The following ABCA13 variants were observed in gnomAD, a reference collection of about 807,000 sequenced individuals.
The protein encoded by ABCA13 is ATP binding cassette subfamily A member 13.
In ABCA13, 476 loss-of-function variants were observed where a neutral mutation model predicts 478.7. That is an observed-to-expected ratio of 0.99 (90% confidence interval 0.92 to 1.07). ABCA13 has a LOEUF of 1.07. ABCA13 is among the 50% of genes least tolerant of loss of function. The pLI, the probability that ABCA13 is intolerant of heterozygous loss-of-function variation, is 0.00. For synonymous variants in ABCA13, 2,252 were observed against 2,158.9 expected, an observed-to-expected ratio of 1.04 and a Z score of -1.20; for missense variants, 6,060 against 5,910.6, an observed-to-expected ratio of 1.03 and a Z score of -0.83.
chr7:48,627,414 G>A (rs968671174), intron 59 of ABCA13, among the ~76,000 whole-genome samples: 4 of 151,962 alleles, frequency 2.6e-5, no homozygotes, highest in African/African-American at 7.3e-5. Flanking sequence ...TGTATTTACC[G>A]AGAAAACAGA....
At chr7:48,232,139 A>ATTTTTTGTTTTTTTTTTTTTT (rs1789203432) in intron 7 of ABCA13, among the ~76,000 whole-genome samples, 1 of 51,318 alleles carries the variant, frequency 1.9e-5, no homozygotes, top group Non-Finnish European at 3.6e-5. Context: ...CCCACATGGA[A>ATTTTTTGTTTTTTTTTTTTTT]TTTTTTTTTT....
chr7:48,384,691 C>T (rs1376662188), intron 35 of ABCA13, among the ~76,000 whole-genome samples: 2 of 152,152 alleles, frequency 1.3e-5, no homozygotes, highest in African/African-American at 2.4e-5. Flanking sequence ...GGACACCTGC[C>T]TGCATTAATT....
rs901469063 is a variant in ABCA13 at position 48,236,033 on chromosome 7, A to G, written c.897+1882A>G. ...ACTAAATGTATTCTTGGCTTATGATATTTTCAAGTCATGATGGGTTGATGA... is the reference window on the plus strand; with the variant it reads ...ACTAAATGTATTCTTGGCTTATGATGTTTTCAAGTCATGATGGGTTGATGA... On this transcript the variant is annotated intron_variant, in intron 8 of 61. Transcript: ENST00000435803. Among the ~76,000 whole-genome samples, 4 of 152,246 alleles carry G rather than the reference A, an allele frequency of 2.6e-5. 1 individual carries two copies. The highest frequency in any genetic ancestry group is 2.6e-4 in the Admixed American group (4 of 15,290).
intron 59 of ABCA13, among the ~76,000 whole-genome samples, chr7:48,616,667 T>C (rs1024020745): frequency 3.3e-5 from 5 of 152,168 alleles, no homozygotes; most frequent in Admixed American, 2.6e-4. Context: ...TGTAGGACTA[T>C]ATTAAACAAG....
At chr7:48,640,817 A>G (rs1795052632) in intron 59 of ABCA13, among the ~76,000 whole-genome samples, 2 of 152,136 alleles carry the variant, frequency 1.3e-5, no homozygotes, top group South Asian at 2.1e-4. Context: ...TAAATTGTTG[A>G]AGGTGCCATG....
chr7:48,342,696 C>T (rs941002893), intron 29 of ABCA13, among the ~76,000 whole-genome samples: 2 of 152,156 alleles, frequency 1.3e-5, no homozygotes, highest in Non-Finnish European at 2.9e-5. Context: ...TCCTCTGCAA[C>T]TCTTCTAAAC....
Position 48,481,034 on chromosome 7 carries a change from A to T in ABCA13, c.12976-2A>T, listed in dbSNP as rs1828700889. 7.0e-6 allele frequency: 11 copies of T among 1,574,890 alleles called. No individual in the cohort carries two copies. The highest frequency in any genetic ancestry group is 8.6e-6 in the Non-Finnish European group (10 of 1,157,342). Reference sequence around the variant, plus strand: ...TTTTTATCTTTTTGAAAACAATTTCAGAAGTGTCCAAATAGAAGTGCTAGT... The same window carrying T: ...TTTTTATCTTTTTGAAAACAATTTCTGAAGTGTCCAAATAGAAGTGCTAGT... On this transcript the variant is annotated splice_acceptor_variant, in intron 45 of 61. Transcript: ENST00000435803. LOFTEE classifies it high-confidence loss of function.
intron 17 of ABCA13, 88 bp from the exon 18 acceptor site, chr7:48,278,006 A>G: frequency 2.3e-6 from 1 of 430,430 alleles, no homozygotes; most frequent in Non-Finnish European, 3.6e-6. Context: ...AAACAAATAA[A>G]ATAATATAAA....
At chr7:48,187,023 A>G (rs1384700614) in intron 1 of ABCA13, among the ~76,000 whole-genome samples, 1 of 149,592 alleles carries the variant, frequency 6.7e-6, no homozygotes, top group Non-Finnish European at 1.5e-5. Flanking sequence ...GTGTGTGTAT[A>G]TATATATATA....
intron 35 of ABCA13, among the ~76,000 whole-genome samples, chr7:48,386,462 C>A (rs1815206637): frequency 6.6e-6 from 1 of 152,128 alleles, no homozygotes; most frequent in South Asian, 2.1e-4. Flanking sequence ...AAGCTGGAGA[C>A]ATCACATTAC....
chr7:48,441,621 G>A lies in ABCA13; in HGVS notation c.12566-13416G>A, dbSNP rs549260187. Among the ~76,000 whole-genome samples the A allele has an allele frequency of 2.8e-4, 42 of 152,278 alleles. 1 individual carries two copies. The South Asian group carries it at 7.3e-3, about 26-fold the overall frequency. ...GCACTTTTGTCCTTGTCTCTGCACC[G>A]CAGAGTGTGGAAGTCACTTCTTCAT... On this transcript the variant is annotated intron_variant, in intron 42 of 61. Transcript: ENST00000435803.
chr7:48,380,158 G>A (rs1445446800), intron 35 of ABCA13, among the ~76,000 whole-genome samples: 5 of 152,264 alleles, frequency 3.3e-5, no homozygotes, highest in East Asian at 1.9e-4. Context: ...TCACCAAATG[G>A]TCTTATTGTG....
Position 48,587,183 on chromosome 7 carries a change from C to T in ABCA13, c.14535C>T (p.His4845=). ...CTGGAGACCTCATCAGGCGCTTACA[C>T]CTCGAAGCCCACGCGGACAAACCTG... ...EVAGDLIRRL[H]LEAHADKPVA... is the part of the protein sequence containing the mutation. Residue 4845 remains histidine (H), a synonymous_variant, in exon 57 of 62, where the codon CAC becomes CAT. Transcript: ENST00000435803. 6.2e-7 allele frequency: 1 copy of T among 1,613,152 alleles called. No homozygotes were observed. Among genetic ancestry groups the T allele is most frequent in the Admixed American group, 1.7e-5 (1 of 59,922 alleles).
chr7:48,179,235 G>A (rs1583984425), intron 1 of ABCA13, among the ~76,000 whole-genome samples: 1 of 152,300 alleles, frequency 6.6e-6, no homozygotes, highest in East Asian at 1.9e-4. Context: ...GCAGCCTCAA[G>A]TGTTATTTTT....
chr7:48,467,140 G>A, intron 44 of ABCA13, 95 bp downstream of exon 44: 1 of 1,203,388 alleles, frequency 8.3e-7, no homozygotes, highest in South Asian at 1.2e-5. Context: ...GTTATTTCAT[G>A]TCACAAGTTT....
intron 59 of ABCA13, among the ~76,000 whole-genome samples, chr7:48,642,781 C>A (rs1051467750): frequency 6.6e-6 from 1 of 152,162 alleles, no homozygotes; most frequent in Non-Finnish European, 1.5e-5. Context: ...CCTTTGCAGT[C>A]ATAGGGCCTG....
Position 48,275,994 on chromosome 7 carries a change from T to C in ABCA13, c.6328T>C (p.Ser2110Pro), listed in dbSNP as rs1368554843. The C allele has an allele frequency of 6.2e-7, 1 of 1,613,156 alleles. No homozygotes were observed. Among genetic ancestry groups the C allele is most frequent in the Non-Finnish European group, 8.5e-7 (1 of 1,179,550 alleles). The part of the protein sequence containing the change: ...QFAHFLEILD[S>P]PSLKTLEIIE... ...TGCCCATTTCCTGGAAATCCTGGAT[T>C]CACCGTCATTGAAGACATTAGAAAT... Residue 2110 changes from serine (S) to proline (P), a missense_variant, in exon 17 of 62, where the codon TCA becomes CCA. Transcript: ENST00000435803.
chr7:48,614,435 T>C (rs2131559733), intron 58 of ABCA13, among the ~76,000 whole-genome samples: 1 of 151,390 alleles, frequency 6.6e-6, no homozygotes, highest in Admixed American at 6.7e-5. Context: ...ACACTGTTGG[T>C]GGGACTGTAA....
At chr7:48,527,025 G>A (rs927905416) in intron 54 of ABCA13, among the ~76,000 whole-genome samples, 2 of 152,182 alleles carry the variant, frequency 1.3e-5, no homozygotes, top group Non-Finnish European at 2.9e-5. Flanking sequence ...AAAGGTGCAT[G>A]AGTGGTATTG....
Sources: gnomAD v4.1 joint callset for allele counts (sites outside exome capture counted in the v4.1 genomes callset) on GRCh38, gnomAD v4.1.1 for gene constraint, MANE v1.5 for transcripts, NCBI Gene and HGNC (gene_info 2026-07-23, HGNC 2026-07-21) for gene names.